NECAB2: variants seen among roughly 807,000 people sequenced by gnomAD.
NECAB2 encodes the protein N-terminal EF-hand calcium-binding protein 2.
In NECAB2, 68 loss-of-function variants were observed where a neutral mutation model predicts 51.9. The ratio of observed to expected loss-of-function variants is 1.31; its 90% CI spans 1.08 to 1.60. The LOEUF is 1.60. Among genes scored for constraint, NECAB2 ranks in the 40% most tolerant of loss-of-function variants. The pLI, the probability that NECAB2 is intolerant of heterozygous loss-of-function variation, is 0.00. For missense variants in NECAB2, 854 were observed against 490.3 expected (o/e 1.74, Z -7.00); for synonymous variants, 329 against 203.5 (o/e 1.62, Z -5.25).
chr16:83,982,033 T>G (rs2151089926), intron 5 of NECAB2, among the ~76,000 whole-genome samples: 1 of 152,298 alleles, frequency 6.6e-6, no homozygotes, highest in Non-Finnish European at 1.5e-5. Context: ...AATGGAGACA[T>G]CCACCTTATG....
Position 84,001,816 on chromosome 16 carries a change from G to A in NECAB2, c.1041-9G>A, listed in dbSNP as rs778629786. ...CCACCCCTGACTCACACATGTCCCT[G>A]CGTCACAGGCACCTGCAGAGCCCCC... On this transcript the variant is annotated splice_polypyrimidine_tract_variant and intron_variant, in intron 11 of 12. Transcript: ENST00000305202. 1 of 1,613,904 alleles carries A rather than the reference G, an allele frequency of 6.2e-7. No homozygotes were observed. Among genetic ancestry groups the A allele is most frequent in the Non-Finnish European group, 8.5e-7 (1 of 1,179,868 alleles).
At chr16:83,998,010 T>C (rs959887767) in intron 9 of NECAB2, among the ~76,000 whole-genome samples, 195 bp from the exon 10 acceptor site, 1 of 152,262 alleles carries the variant, frequency 6.6e-6, no homozygotes, top group East Asian at 1.9e-4. Context: ...GGGCTACTTC[T>C]GCACTGGGCT....
chr16:83,998,010 T>A (rs959887767), intron 9 of NECAB2, among the ~76,000 whole-genome samples, 195 bp from the exon 10 acceptor site: 5 of 152,148 alleles, frequency 3.3e-5, no homozygotes, highest in Non-Finnish European at 7.3e-5. Context: ...GGGCTACTTC[T>A]GCACTGGGCT....
chr16:83,968,603 G>A lies in NECAB2; in HGVS notation c.-46G>A. On this transcript the variant is annotated 5_prime_UTR_variant, in exon 1 of 13. Coordinates refer to ENST00000305202, the MANE Select transcript of NECAB2 (RefSeq NM_019065.3). ...GTCGCGCGGGGGCGGGCCGCAGCTGGGCGGGGGTCGGCGGGCTTCCGGGCG... is the reference window on the plus strand; with the variant it reads ...GTCGCGCGGGGGCGGGCCGCAGCTGAGCGGGGGTCGGCGGGCTTCCGGGCG... 1 of 977,132 alleles carries A rather than the reference G, an allele frequency of 1.0e-6. No homozygotes were observed. Among genetic ancestry groups the A allele is most frequent in the Non-Finnish European group, 1.2e-6 (1 of 825,752 alleles). 60.5% of individuals were successfully genotyped at this position (977,132 alleles called of 1,614,324 possible). A position where few individuals can be genotyped will look rare whatever the true frequency, so the allele number is the denominator to read the frequency against.
At position 83,980,889 on chromosome 16, in the gene NECAB2, C is replaced by T. The variant is rs779031728; in HGVS notation, c.361+25C>T. 4 of 1,613,368 alleles carry T rather than the reference C, an allele frequency of 2.5e-6. No individual in the cohort carries two copies. The East Asian group carries it at 6.7e-5, about 27-fold the overall frequency. On this transcript the variant is annotated intron_variant, in intron 4 of 12. Coordinates refer to ENST00000305202, the MANE Select transcript of NECAB2 (RefSeq NM_019065.3). ...GGTAGGTGCCTGGCTATGCTGGGAC[C>T]AAGATGGGGATGCTGGGATGGGGCT...
chr16:84,002,127 G>T (rs1360600924), intron 12 of NECAB2, among the ~76,000 whole-genome samples, 191 bp from the exon 13 acceptor site: 1 of 152,088 alleles, frequency 6.6e-6, no homozygotes, highest in Non-Finnish European at 1.5e-5. Flanking sequence ...CCCCTCCACG[G>T]CCCCCTACTT....
chr16:83,991,368 CTT>C (rs1167275437), intron 6 of NECAB2, among the ~76,000 whole-genome samples: 8 of 80,250 alleles, frequency 1.0e-4, no homozygotes, highest in South Asian at 3.4e-4. Context: ...CTTTTCTTTT[CTT>C]TTTTTTTTTT....
intron 11 of NECAB2, 53 bp downstream of exon 11, chr16:84,000,854 G>A (rs1321129979): frequency 4.5e-6 from 7 of 1,571,566 alleles, no homozygotes; most frequent in East Asian, 2.2e-5. Flanking sequence ...AAGTGGGGGG[G>A]CTGTCTTCCT....
upstream of NECAB2, chr16:83,965,521 C>T (rs1439442984): frequency 6.2e-7 from 1 of 1,612,336 alleles, no homozygotes; most frequent in East Asian, 2.2e-5. Flanking sequence ...ATGCCTTCCG[C>T]CGGGCCGTGG....
intron 5 of NECAB2, among the ~76,000 whole-genome samples, chr16:83,988,450 T>C (rs72793617): frequency 2.4e-4 from 37 of 152,352 alleles, no homozygotes; most frequent in Admixed American, 3.3e-4. Flanking sequence ...AAAAATAATT[T>C]TTAAGATTTT....
Position 83,993,837 on chromosome 16 carries a change from C to A in NECAB2, c.597-465C>A, listed in dbSNP as rs372082100. On this transcript the variant is annotated intron_variant, in intron 6 of 12. Coordinates refer to ENST00000305202, the MANE Select transcript of NECAB2 (RefSeq NM_019065.3). ...CGACTGTCAGTGTCTCTTTAGGTCT[C>A]GCTTTTATGTGTATGTGTTGGAGGG... Among the ~76,000 whole-genome samples the A allele has an allele frequency of 2.6e-5, 4 of 152,228 alleles. No homozygotes were observed. In the East Asian group the frequency reaches 7.7e-4, roughly 29 times the overall value.
chr16:83,968,150 G>C (rs1304200661), upstream of NECAB2, among the ~76,000 whole-genome samples: 1 of 151,538 alleles, frequency 6.6e-6, no homozygotes, highest in East Asian at 2.0e-4. Flanking sequence ...ATGGGCGCCC[G>C]CGGGCGTGAC....
intron 10 of NECAB2, among the ~76,000 whole-genome samples, chr16:83,998,555 C>G (rs759466124): frequency 3.9e-5 from 6 of 152,154 alleles, no homozygotes; most frequent in Admixed American, 3.3e-4. Context: ...GGGGGGACCA[C>G]CCCCAGGACT....
chr16:83,979,976 C>G (rs558765302), intron 3 of NECAB2, among the ~76,000 whole-genome samples: 10 of 152,306 alleles, frequency 6.6e-5, no homozygotes, highest in Admixed American at 1.3e-4. Flanking sequence ...CTTGCCAGAA[C>G]TCTGAATATG....
chr16:83,974,261 C>T (rs529637456), intron 2 of NECAB2, among the ~76,000 whole-genome samples: 9 of 152,296 alleles, frequency 5.9e-5, no homozygotes, highest in Admixed American at 2.0e-4. Flanking sequence ...AGCCGCGTAC[C>T]GGCTCTGGCC....
intron 2 of NECAB2, among the ~76,000 whole-genome samples, chr16:83,975,522 G>T (rs1209049631): frequency 1.3e-5 from 2 of 152,262 alleles, no homozygotes; most frequent in African/African-American, 4.8e-5. Flanking sequence ...GGACCCCCCA[G>T]GCTGCCCTTA....
intron 9 of NECAB2, 126 bp downstream of exon 9, chr16:83,997,395 CG>C: frequency 8.2e-7 from 1 of 1,220,790 alleles, no homozygotes; most frequent in Non-Finnish European, 1.2e-6. Flanking sequence ...GGGGAGATGT[CG>C]CCCAGCGCTT....
chr16:83,978,859 G>A (rs917285216), intron 3 of NECAB2, among the ~76,000 whole-genome samples: 5 of 152,010 alleles, frequency 3.3e-5, no homozygotes, highest in African/African-American at 1.2e-4. Context: ...TCATCCTTCT[G>A]CCATCTTCAG....
At chr16:83,973,123 A>C (rs1158241275) in intron 2 of NECAB2, among the ~76,000 whole-genome samples, 1 of 152,190 alleles carries the variant, frequency 6.6e-6, no homozygotes, top group Non-Finnish European at 1.5e-5. Context: ...TTCATTGAGA[A>C]AATGCACATC....
Sources: gnomAD v4.1 joint callset for allele counts (sites outside exome capture counted in the v4.1 genomes callset) on GRCh38, gnomAD v4.1.1 for gene constraint, MANE v1.5 for transcripts, NCBI Gene and HGNC (gene_info 2026-07-23, HGNC 2026-07-21) for gene names.